The following ALPK1 variants were observed in gnomAD, a reference collection of about 807,000 sequenced individuals.
ALPK1 encodes alpha kinase 1, also known as alpha-protein kinase 1.
In ALPK1, 110 loss-of-function variants were observed where a neutral mutation model predicts 120.6. The ratio of observed to expected loss-of-function variants is 0.91; its 90% CI spans 0.78 to 1.07. ALPK1 has a LOEUF of 1.07. Ranked by LOEUF, ALPK1 falls within the 50% of genes least tolerant of loss-of-function variation. The probability of loss-of-function intolerance (pLI) is 0.00; values close to 1 mark genes in which losing one functional copy is unlikely to be tolerated. For missense variants in ALPK1, 1,498 were observed against 1,483.9 expected, an observed-to-expected ratio of 1.01 and a Z score of -0.16; for synonymous variants, 582 against 560.3, an observed-to-expected ratio of 1.04 and a Z score of -0.55.
chr4:112,308,948 G>A (rs930540722), intron 1 of ALPK1, among the ~76,000 whole-genome samples: 4 of 152,136 alleles, frequency 2.6e-5, no homozygotes, highest in African/African-American at 9.7e-5. Context: ...CTTTCTGTTT[G>A]TTAGTTTTCC....
intron 2 of ALPK1, among the ~76,000 whole-genome samples, chr4:112,331,903 G>T (rs1306334257): frequency 6.6e-6 from 1 of 152,184 alleles, no homozygotes; most frequent in African/African-American, 2.4e-5. Flanking sequence ...TGGGCAGCTT[G>T]GGTCTCATAC....
intron 2 of ALPK1, among the ~76,000 whole-genome samples, chr4:112,337,123 C>G (rs1025784076): frequency 2.0e-5 from 3 of 152,002 alleles, no homozygotes; most frequent in Non-Finnish European, 2.9e-5. Context: ...CTGAAAGCCA[C>G]TTTACTGACT....
chr4:112,411,795 C>G (rs1733479320), intron 4 of ALPK1, 32 bp from the exon 5 acceptor site: 1 of 1,582,626 alleles, frequency 6.3e-7, no homozygotes, highest in Admixed American at 1.8e-5. Flanking sequence ...GCGTTTCCGC[C>G]TGGCTCACGA....
Position 112,431,057 on chromosome 4 carries a change from A to C in ALPK1, c.1510A>C (p.Ser504Arg). 1 of 1,614,234 alleles carries C rather than the reference A, an allele frequency of 6.2e-7. No homozygotes were observed. The highest frequency in any genetic ancestry group is 1.1e-5 in the South Asian group (1 of 91,084). ...AGAAATAAAAAACATAGATACTGTG[A>C]GTACTACTCAAGAAAAGCCACATTG... ...KTEIKNIDTV[S>R]TTQEKPHCQR... The change falls in exon 11 of 16, where the codon AGT (serine) becomes CGT (arginine). Residue 504 changes from serine to arginine, a missense_variant. By Grantham distance (110) the Ser-to-Arg change is moderately radical. Coordinates refer to ENST00000650871, the MANE Select transcript of ALPK1 (RefSeq NM_025144.4).
chr4:112,299,329 T>C (rs1371586771), intron 1 of ALPK1, among the ~76,000 whole-genome samples: 1 of 152,176 alleles, frequency 6.6e-6, no homozygotes, highest in Non-Finnish European at 1.5e-5. Flanking sequence ...CTAAGTATGG[T>C]ATACATGCTA....
chr4:112,436,420 A>G (rs865835093), intron 12 of ALPK1, among the ~76,000 whole-genome samples: 6 of 152,222 alleles, frequency 3.9e-5, no homozygotes, highest in Non-Finnish European at 8.8e-5. Flanking sequence ...CCCAAAACTC[A>G]TATATTGAAG....
At chr4:112,439,459 G>A (rs931153714) in intron 13 of ALPK1, among the ~76,000 whole-genome samples, 5 of 152,154 alleles carry the variant, frequency 3.3e-5, no homozygotes, top group Non-Finnish European at 5.9e-5. Flanking sequence ...ATAAATTTAA[G>A]TTCTATGACA....
At chr4:112,359,713 C>T (rs1730827923) in intron 2 of ALPK1, 2 of 261,570 alleles carry the variant, frequency 7.6e-6, no homozygotes, top group Non-Finnish European at 1.5e-5. Flanking sequence ...CCTGGACTTT[C>T]CCACGGGCAT....
chr4:112,327,320 G>A (rs1260165202), intron 2 of ALPK1, among the ~76,000 whole-genome samples: 1 of 152,140 alleles, frequency 6.6e-6, no homozygotes, highest in African/African-American at 2.4e-5. Flanking sequence ...CATAAATTTG[G>A]CATAAGTAAT....
rs573018821 is a variant in ALPK1 at position 112,372,192 on chromosome 4, A to G, written c.-100-5486A>G. Among the ~76,000 whole-genome samples the G allele has an allele frequency of 2.5e-4, 38 of 151,636 alleles. No individual in the cohort carries two copies. In the South Asian group the frequency reaches 7.9e-3, roughly 32 times the overall value. ...AAAATTTACTTCAATTTGTCAATAT[A>G]AAGAAAACTACTTTCTTCCTTTTTT... is the stretch of plus-strand genomic sequence containing the variant. On this transcript the variant is annotated intron_variant, in intron 2 of 15. Coordinates refer to ENST00000650871, the MANE Select transcript of ALPK1 (RefSeq NM_025144.4).
In ALPK1 at chr4:112,430,787, C is replaced by T; in HGVS notation, c.1240C>T (p.Gln414Ter). 6.2e-7 allele frequency: 1 copy of T among 1,614,182 alleles called. No individual in the cohort carries two copies. The highest frequency in any genetic ancestry group is 8.5e-7 in the Non-Finnish European group (1 of 1,180,016). Residue 414 changes from glutamine (Q) to a stop codon, truncating the protein, a stop_gained, in exon 11 of 16, where the codon CAG becomes TAG. Transcript: ENST00000650871. LOFTEE classifies it high-confidence loss of function. ...LSQEVMSVIAQVKEHLQVQSF... is the reference protein window; with the variant it reads ...LSQEVMSVIA ...TCAAGAAGTTATGTCTGTGATTGCC[C>T]AGGTGAAGGAACATTTACAAGTTCA...
At chr4:112,384,330 T>C (rs1732056663) in intron 4 of ALPK1, 1 of 152,252 alleles carries the variant, frequency 6.6e-6, no homozygotes, top group Non-Finnish European at 1.5e-5. Flanking sequence ...TAACACTTTT[T>C]GTATTGATGA....
intron 2 of ALPK1, among the ~76,000 whole-genome samples, chr4:112,320,228 A>G (rs1728808830): frequency 6.6e-6 from 1 of 152,160 alleles, no homozygotes; most frequent in Non-Finnish European, 1.5e-5. Context: ...TTCTATGCCA[A>G]TTTTGTTGAG....
intron 2 of ALPK1, chr4:112,356,840 CACA>C: frequency 1.4e-6 from 1 of 731,156 alleles, no homozygotes; most frequent in Admixed American, 1.7e-5. Context: ...CCGCAGAGCA[CACA>C]ACATTGACCT....
At chr4:112,413,782 C>A (rs932303275) in intron 5 of ALPK1, among the ~76,000 whole-genome samples, 1 of 152,102 alleles carries the variant, frequency 6.6e-6, no homozygotes, top group Non-Finnish European at 1.5e-5. Context: ...AAGATTCTAA[C>A]CAGGTGGTAT....
intron 9 of ALPK1, 190 bp downstream of exon 9, chr4:112,427,855 G>A: frequency 3.7e-6 from 2 of 542,958 alleles, no homozygotes; most frequent in Non-Finnish European, 3.3e-6. Flanking sequence ...CCAGCGCCTA[G>A]CACTGTAACA....
chr4:112,335,529 C>A (rs1300138431), intron 2 of ALPK1, among the ~76,000 whole-genome samples: 1 of 152,138 alleles, frequency 6.6e-6, no homozygotes, highest in African/African-American at 2.4e-5. Flanking sequence ...AACAAGCTCA[C>A]TGGAATCCTG....
chr4:112,351,167 T>G (rs1018302928), intron 2 of ALPK1, among the ~76,000 whole-genome samples: 20 of 152,260 alleles, frequency 1.3e-4, no homozygotes, highest in African/African-American at 4.1e-4. Context: ...GCCTTTTCTT[T>G]TTCCTATTTT....
chr4:112,357,765 C>G, intron 2 of ALPK1: 3 of 1,135,996 alleles, frequency 2.6e-6, no homozygotes, highest in Non-Finnish European at 4.0e-6. Context: ...GCAACATCGC[C>G]CGCATGGTGC....
Sources: allele counts gnomAD v4.1 joint callset (sites outside exome capture counted in the v4.1 genomes callset), GRCh38; gene constraint gnomAD v4.1.1; transcripts MANE v1.5; gene names NCBI Gene and HGNC (gene_info 2026-07-23, HGNC 2026-07-21).